The following TXNDC11 variants were observed in gnomAD, a reference collection of about 807,000 sequenced individuals.
TXNDC11 encodes the protein thioredoxin domain-containing protein 11.
A neutral mutation model predicts 78.0 loss-of-function variants in TXNDC11; 68 were observed. The ratio of observed to expected loss-of-function variants is 0.87; its 90% confidence interval spans 0.72 to 1.07. The LOEUF is 1.07. Among genes scored for constraint, TXNDC11 ranks in the 50% least tolerant of loss-of-function variants. TXNDC11 has a pLI of 0.00. For missense variants in TXNDC11, 1,389 were observed against 1,221.8 expected (o/e 1.14, Z -2.04); for synonymous variants, 571 against 495.2 (o/e 1.15, Z -2.03).
intron 3 of TXNDC11, 92 bp downstream of exon 3, chr16:11,733,890 T>C: frequency 2.4e-6 from 2 of 832,474 alleles, no homozygotes; most frequent in Non-Finnish European, 3.9e-6. Flanking sequence ...CTATAGTGAA[T>C]ATCTAATACT....
In TXNDC11 at chr16:11,691,975, G is replaced by T. The variant is rs565401031; in HGVS notation, c.1215C>A (p.Ala405=). The T allele has an allele frequency of 4.7e-5, 76 of 1,604,492 alleles. No individual in the cohort carries two copies. The Admixed American group carries it at 1.3e-3, about 27-fold the overall frequency. The change falls in exon 8 of 12, where the codon GCC becomes GCA. Residue 405 remains alanine, a synonymous_variant. Coordinates refer to ENST00000283033, the MANE Select transcript of TXNDC11 (RefSeq NM_015914.7). ...CTGGCAGCTGTGCCGGCACTTCCAG[G>T]GCCAGGGACTCCAGCACTGGAGCAT... is the stretch of plus-strand genomic sequence containing the variant. ...RVDAPVLESL[A]LEVPAQLPDP...
At position 11,684,401 on chromosome 16, in the gene TXNDC11, G is replaced by C. The variant is rs531331742; in HGVS notation, c.2154-156C>G. ...GAATGTACTACCAGGTGTGAGCTGG[G>C]CGCTGATACTTCCAAGACATACAAC... is the stretch of plus-strand genomic sequence containing the variant. On this transcript the variant is annotated intron_variant, in intron 10 of 11. Coordinates refer to ENST00000283033, the MANE Select transcript of TXNDC11 (RefSeq NM_015914.7). 9.2e-5 allele frequency among the ~76,000 whole-genome samples: 14 copies of C among 152,262 alleles called. No homozygotes were observed. The East Asian group carries it at 2.5e-3, about 27-fold the overall frequency.
At chr16:11,737,553 T>C (rs576983258) in intron 1 of TXNDC11, among the ~76,000 whole-genome samples, 1 of 151,176 alleles carries the variant, frequency 6.6e-6, no homozygotes, top group Admixed American at 6.6e-5. Context: ...CCCAACTACC[T>C]CAACAATTAC....
In TXNDC11 at chr16:11,688,315, G is replaced by T; in HGVS notation, c.2031C>A (p.Val677=). 1 of 1,613,540 alleles carries T rather than the reference G, an allele frequency of 6.2e-7. No individual in the cohort carries two copies. The highest frequency in any genetic ancestry group is 1.1e-5 in the South Asian group (1 of 91,036). Reference sequence around the variant, plus strand: ...CATGACTCCATACCTGTTTTTGAAGGACTACTTCCCAAAAGGTATCAGTTG... The same window carrying T: ...CATGACTCCATACCTGTTTTTGAAGTACTACTTCCCAAAAGGTATCAGTTG... The part of the protein sequence containing the change: ...EVTTDTFWEV[V]LQKQDVLLLY... Residue 677 remains valine, a synonymous_variant, in exon 9 of 12, where the codon GTC becomes GTA. Coordinates refer to ENST00000283033, the MANE Select transcript of TXNDC11 (RefSeq NM_015914.7).
At chr16:11,730,033 G>C (rs943202049) in intron 4 of TXNDC11, among the ~76,000 whole-genome samples, 6 of 152,114 alleles carry the variant, frequency 3.9e-5, no homozygotes, top group African/African-American at 1.4e-4. Context: ...AGTGGAGTTT[G>C]CAGTGAGCTG....
At chr16:11,702,111 T>C (rs2051048034) in intron 5 of TXNDC11, among the ~76,000 whole-genome samples, 2 of 151,558 alleles carry the variant, frequency 1.3e-5, no homozygotes, top group East Asian at 1.9e-4. Flanking sequence ...TATATATATA[T>C]ATGTTTTTTC....
chr16:11,702,092 G>GTATATATATATATATATA (rs35673646), intron 5 of TXNDC11, among the ~76,000 whole-genome samples: 1 of 144,336 alleles, frequency 6.9e-6, no homozygotes, highest in African/African-American at 2.6e-5. Flanking sequence ...GTATGTATGT[G>GTATATATATATATATATA]TATATATATA....
intron 1 of TXNDC11, among the ~76,000 whole-genome samples, chr16:11,741,292 A>T (rs1311040334): frequency 6.6e-6 from 1 of 152,232 alleles, no homozygotes. Context: ...CAGATCTTAT[A>T]AACTGGAATC....
Position 11,679,483 on chromosome 16 carries a change from A to C in TXNDC11, c.2589T>G (p.Tyr863Ter). The change falls in exon 12 of 12, where the codon TAT becomes TAG. Residue 863 changes from tyrosine to a stop codon, truncating the protein, a stop_gained. Coordinates refer to ENST00000283033, the MANE Select transcript of TXNDC11 (RefSeq NM_015914.7). LOFTEE classifies it low-confidence loss of function (END_TRUNC). This position sits in a 1 kb window ranked among gnomAD's most constrained non-coding sequence, Gnocchi z 4.6. ...CCTGCAGCTCACGTGTCTTCTGCTC[A>C]TAGAGGGCCTGCAGCTGCTCACTGT... ...HAHSEQLQAL[Y>*]EQKTRELQEL... is the part of the protein sequence containing the mutation. 1 of 1,613,582 alleles carries C rather than the reference A, an allele frequency of 6.2e-7. No individual in the cohort carries two copies. The highest frequency in any genetic ancestry group is 8.5e-7 in the Non-Finnish European group (1 of 1,180,010).
intron 7 of TXNDC11, among the ~76,000 whole-genome samples, chr16:11,694,592 C>T (rs750839100): frequency 9.2e-5 from 14 of 151,824 alleles, no homozygotes; most frequent in Non-Finnish European, 1.9e-4. Context: ...AGACTACAGG[C>T]GCACACCACC....
chr16:11,712,740 C>A (rs1207357104), intron 5 of TXNDC11, among the ~76,000 whole-genome samples: 1 of 151,924 alleles, frequency 6.6e-6, no homozygotes, highest in Non-Finnish European at 1.5e-5. Flanking sequence ...ACTGCTTGAA[C>A]CCAGGAGTTC....
intron 7 of TXNDC11, among the ~76,000 whole-genome samples, chr16:11,693,812 C>T (rs182446019): frequency 2.4e-4 from 37 of 152,206 alleles, no homozygotes; most frequent in Non-Finnish European, 4.7e-4. Flanking sequence ...CTATATAATC[C>T]GTGAAGAGCC....
At chr16:11,721,941 T>G (rs2051719333) in intron 4 of TXNDC11, among the ~76,000 whole-genome samples, 1 of 152,200 alleles carries the variant, frequency 6.6e-6, no homozygotes, top group African/African-American at 2.4e-5. Context: ...TGAAATTTCC[T>G]TCTGTCCCCA....
At chr16:11,721,324 C>G (rs2051698798) in intron 5 of TXNDC11, 1 of 242,476 alleles carries the variant, frequency 4.1e-6, no homozygotes, top group South Asian at 4.3e-5. Flanking sequence ...CTATGTAACT[C>G]CAGCTACTCA....
At chr16:11,721,515 G>A (rs1239340933) in intron 5 of TXNDC11, 62 bp downstream of exon 5, 3 of 856,630 alleles carry the variant, frequency 3.5e-6, no homozygotes, top group Admixed American at 2.2e-5. Context: ...AATAACACAT[G>A]GAAAAGATGT....
chr16:11,692,210 A>G, intron 7 of TXNDC11, 128 bp from the exon 8 acceptor site: 1 of 711,036 alleles, frequency 1.4e-6, no homozygotes, highest in Non-Finnish European at 2.3e-6. Context: ...TACTAAATGG[A>G]AAATTCCAGA....
At chr16:11,692,179 T>C in intron 7 of TXNDC11, 97 bp from the exon 8 acceptor site, 1 of 958,000 alleles carries the variant, frequency 1.0e-6, no homozygotes, top group South Asian at 1.9e-5. Context: ...CAGTTATCCA[T>C]GGTCAACTCC....
At chr16:11,725,389 G>A (rs1043103058) in intron 4 of TXNDC11, among the ~76,000 whole-genome samples, 1 of 150,906 alleles carries the variant, frequency 6.6e-6, no homozygotes, top group Non-Finnish European at 1.5e-5. Flanking sequence ...CCAAATTAAG[G>A]AGCCAACATC....
intron 6 of TXNDC11, among the ~76,000 whole-genome samples, chr16:11,699,633 G>A (rs765640754): frequency 5.7e-4 from 87 of 152,378 alleles, no homozygotes; most frequent in Non-Finnish European, 9.8e-4. Context: ...AAGCCAGGGC[G>A]ACTGGCAAGC....
Sources: gnomAD v4.1 joint callset for allele counts (sites outside exome capture counted in the v4.1 genomes callset) on GRCh38, gnomAD v4.1.1 for gene constraint, Gnocchi (gnomAD v3.1) non-coding constraint, MANE v1.5 for transcripts, NCBI Gene and HGNC (gene_info 2026-07-23, HGNC 2026-07-21) for gene names.